The following CNR2 variants were observed in gnomAD, a reference collection of about 807,000 sequenced individuals.
CNR2 encodes cannabinoid receptor 2 (macrophage).
For synonymous variants in CNR2, 172 were observed against 182.2 expected (o/e 0.94, Z 0.45); for missense variants, 379 against 439.9 (o/e 0.86, Z 1.24).
intron 1 of CNR2, among the ~76,000 whole-genome samples, chr1:23,898,775 C>A (rs1167007878): frequency 6.7e-6 from 1 of 148,200 alleles, no homozygotes; most frequent in Non-Finnish European, 1.5e-5. Flanking sequence ...GCCTCAGCCT[C>A]CTGAGTAGCT....
At chr1:23,910,016 ATAGC>A (rs1640557518) in intron 1 of CNR2, among the ~76,000 whole-genome samples, 1 of 151,470 alleles carries the variant, frequency 6.6e-6, no homozygotes, top group Admixed American at 6.6e-5. Flanking sequence ...CCAGGCAATA[ATAGC>A]TCACTGCAGC....
intron 1 of CNR2, among the ~76,000 whole-genome samples, chr1:23,897,876 ATGT>A (rs1334713645): frequency 6.6e-6 from 1 of 152,176 alleles, no homozygotes; most frequent in Non-Finnish European, 1.5e-5. Flanking sequence ...CTGTTGCAAT[ATGT>A]TGTTGTGGTT....
chr1:23,879,155 GT>G (rs1639937133), intron 1 of CNR2, among the ~76,000 whole-genome samples: 1 of 152,144 alleles, frequency 6.6e-6, no homozygotes, highest in Non-Finnish European at 1.5e-5. Context: ...TTAGCCAGGC[GT>G]GGTGGTGTGC....
chr1:23,905,337 C>T (rs1033030278), intron 1 of CNR2, among the ~76,000 whole-genome samples: 3 of 151,412 alleles, frequency 2.0e-5, no homozygotes, highest in Non-Finnish European at 4.4e-5. Context: ...CCCGACACCA[C>T]GCCAGCTAGC....
intron 1 of CNR2, among the ~76,000 whole-genome samples, chr1:23,877,285 T>G (rs908243089): frequency 6.6e-6 from 1 of 151,972 alleles, no homozygotes; most frequent in Non-Finnish European, 1.5e-5. Context: ...AAAAAAGAGA[T>G]CCTTAAGGGA....
rs192651100 is a variant in CNR2, at chr1:23,880,627, G to A, written c.-45-4965C>T. Among the ~76,000 whole-genome samples the A allele has an allele frequency of 8.2e-4, 125 of 151,892 alleles. 1 individual carries two copies. Among genetic ancestry groups the A allele is most frequent in the East Asian group, 7.9e-3 (41 of 5,166 alleles). On this transcript the variant is annotated intron_variant, in intron 1 of 1. Coordinates refer to ENST00000374472, the MANE Select transcript of CNR2 (RefSeq NM_001841.3). ...GTCACCCAGGCTGGAGTGCAATGGC[G>A]CGATCTTGGCTCATTGCAACCTCCG...
chr1:23,911,123 G>A (rs1417310454), intron 1 of CNR2, among the ~76,000 whole-genome samples: 2 of 136,508 alleles, frequency 1.5e-5, no homozygotes, highest in African/African-American at 5.4e-5. Context: ...CCTTTCCTGA[G>A]AACCTGAGCG....
intron 1 of CNR2, among the ~76,000 whole-genome samples, chr1:23,893,516 A>C (rs1402092581): frequency 1.3e-5 from 2 of 152,212 alleles, no homozygotes; most frequent in African/African-American, 2.4e-5. Context: ...CTAATTAAGC[A>C]GGAGATTGGT....
At chr1:23,894,006 A>C (rs2148465794) in intron 1 of CNR2, among the ~76,000 whole-genome samples, 1 of 152,146 alleles carries the variant, frequency 6.6e-6, no homozygotes, top group Admixed American at 6.5e-5. Flanking sequence ...CTGTAGTCCC[A>C]GCCACTCAGG....
At chr1:23,898,141 C>T (rs1640316183) in intron 1 of CNR2, among the ~76,000 whole-genome samples, 1 of 151,460 alleles carries the variant, frequency 6.6e-6, no homozygotes, top group Non-Finnish European at 1.5e-5. Flanking sequence ...ATTCTCCTGC[C>T]TCAGCCTCCC....
chr1:23,890,476 T>C (rs1378907929), intron 1 of CNR2, among the ~76,000 whole-genome samples: 1 of 151,584 alleles, frequency 6.6e-6, no homozygotes, highest in Non-Finnish European at 1.5e-5. Flanking sequence ...CTGGGCGAGG[T>C]GGCTCACGCT....
chr1:23,891,095 T>C (rs1640182422), intron 1 of CNR2, among the ~76,000 whole-genome samples: 1 of 150,806 alleles, frequency 6.6e-6, no homozygotes, highest in Admixed American at 6.6e-5. Context: ...GGCCAGCCTG[T>C]TCTCGAACTC....
At chr1:23,900,074 C>A (rs2148468646) in intron 1 of CNR2, among the ~76,000 whole-genome samples, 1 of 151,378 alleles carries the variant, frequency 6.6e-6, no homozygotes, top group African/African-American at 2.4e-5. Context: ...CTCCTGCGAT[C>A]AGTGCTTGAG....
chr1:23,891,629 A>AG (rs1640193578), intron 1 of CNR2, among the ~76,000 whole-genome samples: 2 of 124,282 alleles, frequency 1.6e-5, no homozygotes, highest in Non-Finnish European at 3.3e-5. Context: ...CAAAAAAAAA[A>AG]AAAAAAAAAG....
chr1:23,892,235 G>A (rs1385711314), intron 1 of CNR2, among the ~76,000 whole-genome samples: 1 of 152,144 alleles, frequency 6.6e-6, no homozygotes, highest in Non-Finnish European at 1.5e-5. Context: ...TCCTAAAATG[G>A]GTTTGGCAGT....
chr1:23,902,443 T>G, intron 1 of CNR2: 1 of 1,593,206 alleles, frequency 6.3e-7, no homozygotes, highest in Non-Finnish European at 8.6e-7. Flanking sequence ...ACGATGTACT[T>G]CTTAGCAGCC....
chr1:23,878,986 T>C (rs1639933831), intron 1 of CNR2, among the ~76,000 whole-genome samples: 1 of 152,168 alleles, frequency 6.6e-6, no homozygotes. Flanking sequence ...AGAATGTGCA[T>C]TTTAGAAGGA....
intron 1 of CNR2, chr1:23,901,934 C>T: frequency 6.2e-7 from 1 of 1,602,406 alleles, no homozygotes; most frequent in South Asian, 1.1e-5. Context: ...CGGGGTGAGG[C>T]CCTTCCTCTT....
At chr1:23,881,013 C>T (rs995934759) in intron 1 of CNR2, among the ~76,000 whole-genome samples, 3 of 151,556 alleles carry the variant, frequency 2.0e-5, no homozygotes, top group East Asian at 1.9e-4. Context: ...TGGTGGCTTA[C>T]ACCTGTAATC....
Sources: gnomAD v4.1 joint callset for allele counts (sites outside exome capture counted in the v4.1 genomes callset) on GRCh38, gnomAD v4.1.1 for gene constraint, MANE v1.5 for transcripts, NCBI Gene and HGNC (gene_info 2026-07-23, HGNC 2026-07-21) for gene names.